The following CERS5 variants were observed in gnomAD, a reference collection of about 807,000 sequenced individuals.
CERS5 encodes LAG1 homolog, ceramide synthase 5.
CERS5 carries 37 observed loss-of-function variants against 58.9 expected under a neutral mutation model. That is an observed-to-expected ratio of 0.63 (90% CI 0.48 to 0.83). The LOEUF is 0.83. CERS5 is among the 40% of genes least tolerant of loss of function. The probability of loss-of-function intolerance (pLI) is 0.00; values close to 1 mark genes in which losing one functional copy is unlikely to be tolerated. For missense variants in CERS5, 398 were observed against 489.3 expected (o/e 0.81, Z 1.76); for synonymous variants, 147 against 177.8 (o/e 0.83, Z 1.38).
chr12:50,153,407 G>A (rs980545374), intron 1 of CERS5, among the ~76,000 whole-genome samples: 2 of 148,122 alleles, frequency 1.4e-5, no homozygotes, highest in African/African-American at 4.9e-5. Flanking sequence ...AGCCTCCCGA[G>A]TAGCTGGGAC....
chr12:50,132,825 A>G (rs2137993932), intron 9 of CERS5: 3 of 1,104,774 alleles, frequency 2.7e-6, no homozygotes, highest in Non-Finnish European at 3.4e-6. Context: ...AGCTCTAGTC[A>G]ATAATGGCCC....
At chr12:50,144,448 G>C (rs1952148538) in intron 1 of CERS5, 1 of 276,628 alleles carries the variant, frequency 3.6e-6, no homozygotes. Context: ...AATCTTGTAA[G>C]TAATTCAGTG....
chr12:50,137,914 A>T lies in CERS5; in HGVS notation c.544-94T>A, dbSNP rs1951773005. 2.7e-5 allele frequency: 20 copies of T among 746,530 alleles called. No homozygotes were observed. The South Asian group carries it at 3.0e-4, about 11-fold the overall frequency. The allele number at this position is 746,530 out of a possible 1,614,324, so 46.2% of individuals were successfully genotyped here. On this transcript the variant is annotated intron_variant, in intron 5 of 9. Coordinates refer to ENST00000317551, the MANE Select transcript of CERS5 (RefSeq NM_147190.5). ...CTGCCTTGGAGGACCAATACCCCAA[A>T]TTATTAGACATCTCTCCTCCCCATT...
At chr12:50,161,100 G>T (rs1313860131) in intron 1 of CERS5, among the ~76,000 whole-genome samples, 1 of 152,208 alleles carries the variant, frequency 6.6e-6, no homozygotes, top group Non-Finnish European at 1.5e-5. Context: ...CTCACATGCT[G>T]CACTGAGGCA....
Position 50,129,536 on chromosome 12 carries a change from C to T in CERS5, c.*1009G>A, listed in dbSNP as rs761833701. On this transcript the variant is annotated 3_prime_UTR_variant, in exon 10 of 10. Coordinates refer to ENST00000317551, the MANE Select transcript of CERS5 (RefSeq NM_147190.5). ...TTTTTTTTTTTTTTAGACAGAGTCTCGGTCTGTCGCCCAGGCTGGAGTGCA... is the reference window on the plus strand; with the variant it reads ...TTTTTTTTTTTTTTAGACAGAGTCTTGGTCTGTCGCCCAGGCTGGAGTGCA... 13 of 132,688 alleles carry T rather than the reference C, an allele frequency of 9.8e-5. No homozygotes were observed. Among genetic ancestry groups the T allele is most frequent in the Middle Eastern group, 4.6e-3 (1 of 216 alleles). The allele number at this position is 132,688 out of a possible 1,614,324, so 8.2% of individuals were successfully genotyped here. A position where few individuals can be genotyped will look rare whatever the true frequency, so the allele number is the denominator to read the frequency against.
At chr12:50,161,386 T>G (rs1939244085) in intron 1 of CERS5, among the ~76,000 whole-genome samples, 1 of 152,158 alleles carries the variant, frequency 6.6e-6, no homozygotes, top group Admixed American at 6.6e-5. Flanking sequence ...CCCTCTATAT[T>G]TATTCTTTGG....
chr12:50,167,223 C>G lies in CERS5; in HGVS notation c.75G>C (p.Glu25Asp). 6.2e-7 allele frequency: 1 copy of G among 1,606,568 alleles called. No homozygotes were observed. Among genetic ancestry groups the G allele is most frequent in the Non-Finnish European group, 8.5e-7 (1 of 1,178,020 alleles). Reference protein sequence around the residue: ...WLWSERFWLPENVSWADLEGP... With the variant: ...WLWSERFWLPDNVSWADLEGP... Reference sequence around the variant, plus strand: ...CCTCCAGATCAGCCCAGCTCACGTTCTCGGGTAGCCAGAAGCGCTCGCTCC... The same window carrying G: ...CCTCCAGATCAGCCCAGCTCACGTTGTCGGGTAGCCAGAAGCGCTCGCTCC... Residue 25 changes from glutamate to aspartate, a missense_variant, in exon 1 of 10, where the codon GAG (glutamate) becomes GAC (aspartate). Glu to Asp is a conservative substitution (Grantham distance 45, BLOSUM62 2). This residue lies in a region of CERS5 where 328 missense variants were observed against 384.5 expected (regional missense o/e 0.85). Transcript: ENST00000317551.
rs1024244974 is a variant in CERS5, at chr12:50,129,479, G to A, written c.*1066C>T. ...ATTAGTCTATTCAATATAGCAAGTT[G>A]AGGAACTAAAAGTATGACCTAATTT... On this transcript the variant is annotated 3_prime_UTR_variant, in exon 10 of 10. Coordinates refer to ENST00000317551, the MANE Select transcript of CERS5 (RefSeq NM_147190.5). The A allele has an allele frequency of 6.8e-6, 1 of 147,580 alleles. No homozygotes were observed. Among genetic ancestry groups the A allele is most frequent in the Non-Finnish European group, 1.5e-5 (1 of 67,396 alleles). 9.1% of individuals were successfully genotyped at this position (147,580 alleles called of 1,614,324 possible).
At chr12:50,133,670 A>G in intron 9 of CERS5, 1 of 985,540 alleles carries the variant, frequency 1.0e-6, no homozygotes, top group Non-Finnish European at 1.2e-6. Context: ...GAAATGGTTG[A>G]GGCCATCTCT....
intron 1 of CERS5, among the ~76,000 whole-genome samples, chr12:50,164,256 C>T (rs941161474): frequency 4.6e-5 from 7 of 151,726 alleles, no homozygotes; most frequent in East Asian, 1.9e-4. Context: ...CACCATGCCC[C>T]GCTCTCCCAA....
rs770143351 is a variant in CERS5 at position 50,135,733 on chromosome 12, A to G, written c.871T>C (p.Trp291Arg). 8.1e-6 allele frequency: 13 copies of G among 1,605,460 alleles called. No individual in the cohort carries two copies. In the East Asian group the frequency reaches 2.7e-4, roughly 33 times the overall value. Residue 291 changes from tryptophan (W) to arginine (R), a missense_variant and splice_region_variant, in exon 8 of 10, where the codon TGG becomes CGG. Coordinates refer to ENST00000317551, the MANE Select transcript of CERS5 (RefSeq NM_147190.5). ...MVTRLGIYPF[W>R]ILNTTLFESW... ...CAACTCTACAGCCCTACCACTTACCAGAATGGATAGATTCCTAGTCGTGTA... is the reference window on the plus strand; with the variant it reads ...CAACTCTACAGCCCTACCACTTACCGGAATGGATAGATTCCTAGTCGTGTA...
chr12:50,155,529 G>A (rs1938470257), intron 1 of CERS5, among the ~76,000 whole-genome samples: 1 of 151,570 alleles, frequency 6.6e-6, no homozygotes, highest in Non-Finnish European at 1.5e-5. Flanking sequence ...GAGGTCAAGA[G>A]ATCGAGACCA....
At chr12:50,141,755 A>G (rs1164526872) in intron 4 of CERS5, among the ~76,000 whole-genome samples, 2 of 152,044 alleles carry the variant, frequency 1.3e-5, no homozygotes, top group Admixed American at 6.6e-5. Flanking sequence ...CCTGGCCAAC[A>G]TGGTGAAACC....
chr12:50,132,909 C>A, intron 9 of CERS5: 1 of 1,285,782 alleles, frequency 7.8e-7, no homozygotes, highest in Admixed American at 2.3e-5. Context: ...GGAAAGAGAA[C>A]CACATTCAGA....
rs774145718 is a variant in CERS5 at position 50,143,925 on chromosome 12, T to C, written c.303+27A>G. 15 of 1,368,466 alleles carry C rather than the reference T, an allele frequency of 1.1e-5. No individual in the cohort carries two copies. In the South Asian group the frequency reaches 1.7e-4, roughly 16 times the overall value. The allele number at this position is 1,368,466 out of a possible 1,614,324, so 84.8% of individuals were successfully genotyped here. On this transcript the variant is annotated intron_variant, in intron 2 of 9. Coordinates refer to ENST00000317551, the MANE Select transcript of CERS5 (RefSeq NM_147190.5). ...CATGGAGCAACGCCTTATGTGAATA[T>C]TCCTCTCTGTTTCTTTGCCCACTTA...
intron 9 of CERS5, chr12:50,133,884 C>T (rs572508383): frequency 3.9e-4 from 146 of 378,258 alleles, no homozygotes; most frequent in Middle Eastern, 2.6e-3. Flanking sequence ...CCAGCCTGGC[C>T]AACATAGTGA....
chr12:50,160,037 G>A (rs1939094795), intron 1 of CERS5, among the ~76,000 whole-genome samples: 1 of 151,880 alleles, frequency 6.6e-6, no homozygotes, highest in Admixed American at 6.6e-5. Flanking sequence ...AGGTGTGGTG[G>A]CTCACACCTG....
At chr12:50,135,282 A>G (rs1951615149) in intron 8 of CERS5, 4 of 216,662 alleles carry the variant, frequency 1.8e-5, no homozygotes, top group African/African-American at 3.3e-5. Context: ...AGGGAGAGAG[A>G]GGAGAGGGAG....
chr12:50,156,549 C>G (rs1055653387), intron 1 of CERS5, among the ~76,000 whole-genome samples: 1 of 150,950 alleles, frequency 6.6e-6, no homozygotes, highest in Non-Finnish European at 1.5e-5. Flanking sequence ...GAGTCATGAT[C>G]ATGCCATTGC....
Sources: allele counts gnomAD v4.1 joint callset (sites outside exome capture counted in the v4.1 genomes callset), GRCh38; gene constraint gnomAD v4.1.1; regional missense constraint gnomAD v4.1.1; transcripts MANE v1.5; gene names NCBI Gene and HGNC (gene_info 2026-07-23, HGNC 2026-07-21).